GPM6B: variants seen among roughly 807,000 people sequenced by gnomAD.
The protein encoded by GPM6B is neuronal membrane glycoprotein M6-b.
A neutral mutation model predicts 27.2 loss-of-function variants in GPM6B; 4 were observed. That is an observed-to-expected ratio of 0.15 (90% CI 0.07 to 0.34). The LOEUF (loss-of-function observed/expected upper bound fraction) is 0.34, where lower values mean the gene tolerates loss of function less well. GPM6B is among the 10% of genes least tolerant of loss of function. The pLI is 1.00. For missense variants in GPM6B, 183 were observed against 261.9 expected, an observed-to-expected ratio of 0.70 and a Z score of 2.08; for synonymous variants, 124 against 103.1, an observed-to-expected ratio of 1.20 and a Z score of -1.23.
chrX:13,779,335 C>G lies in GPM6B; in HGVS notation c.697+483G>C, dbSNP rs745823351. 5.4e-5 allele frequency among the ~76,000 whole-genome samples: 6 copies of G among 112,030 alleles called. No homozygotes were observed. The South Asian group carries it at 1.1e-3, about 21-fold the overall frequency. ...TGATGACTTTAAAATATGGCTGGATCTAATGTTGTATTTTTCAATACAGAT... is the reference window on the plus strand; with the variant it reads ...TGATGACTTTAAAATATGGCTGGATGTAATGTTGTATTTTTCAATACAGAT... On this transcript the variant is annotated intron_variant, in intron 5 of 7. Transcript: ENST00000316715.
intron 1 of GPM6B, among the ~76,000 whole-genome samples, chrX:13,932,400 A>G (rs777269348): frequency 6.2e-5 from 7 of 112,233 alleles, no homozygotes; most frequent in Non-Finnish European, 1.1e-4. Flanking sequence ...TTTTCCTCAG[A>G]CAGATACTCT....
At chrX:13,809,347 C>T (rs948369501) in intron 1 of GPM6B, among the ~76,000 whole-genome samples, 1 of 112,141 alleles carries the variant, frequency 8.9e-6, no homozygotes. Context: ...ACAGTTAACC[C>T]AATGAGAGTT....
At chrX:13,903,211 C>T (rs185891075) in intron 1 of GPM6B, among the ~76,000 whole-genome samples, 9 of 111,695 alleles carry the variant, frequency 8.1e-5, no homozygotes, top group African/African-American at 2.0e-4. Context: ...CTGTCTCCCA[C>T]GCAGGGTCTC....
intron 1 of GPM6B, among the ~76,000 whole-genome samples, chrX:13,924,039 GATC>G (rs1921050997): frequency 8.9e-6 from 1 of 111,860 alleles, no homozygotes; most frequent in Non-Finnish European, 1.9e-5. Flanking sequence ...TTCCACATGG[GATC>G]ATGACAGGTG....
chrX:13,780,055 A>G, intron 4 of GPM6B, 66 bp from the exon 5 acceptor site: 1 of 971,256 alleles, frequency 1.0e-6, no homozygotes, highest in East Asian at 3.1e-5. Flanking sequence ...CCTAAGTGGA[A>G]GGATTGTGCA....
intron 1 of GPM6B, among the ~76,000 whole-genome samples, chrX:13,924,908 T>C (rs1921093845): frequency 8.9e-6 from 1 of 112,432 alleles, no homozygotes; most frequent in African/African-American, 3.2e-5. Context: ...CTTGAATTAG[T>C]AGAAGAACTG....
chrX:13,910,177 A>G (rs1265936893), intron 1 of GPM6B, among the ~76,000 whole-genome samples: 1 of 112,253 alleles, frequency 8.9e-6, no homozygotes, highest in Non-Finnish European at 1.9e-5. Context: ...CATATTTCAA[A>G]AAGTATCCTT....
intron 2 of GPM6B, among the ~76,000 whole-genome samples, chrX:13,796,113 C>T (rs1488505468): frequency 2.7e-5 from 3 of 110,944 alleles, no homozygotes; most frequent in Non-Finnish European, 5.7e-5. Context: ...TTAGTAGAGA[C>T]GGGGTTTCTC....
intron 2 of GPM6B, among the ~76,000 whole-genome samples, chrX:13,787,895 A>G (rs891240364): frequency 3.6e-5 from 4 of 112,574 alleles, no homozygotes; most frequent in African/African-American, 1.3e-4. Context: ...CCTGGCTAAC[A>G]AAGTTGTATC....
chrX:13,890,542 T>C (rs2050179595), intron 1 of GPM6B, among the ~76,000 whole-genome samples: 2 of 111,570 alleles, frequency 1.8e-5, no homozygotes, highest in Non-Finnish European at 3.8e-5. Context: ...CAATAGTCAT[T>C]GAAGAAGGAA....
At chrX:13,856,710 T>A (rs192457574) in intron 1 of GPM6B, among the ~76,000 whole-genome samples, 74 of 107,527 alleles carry the variant, frequency 6.9e-4, no homozygotes, top group East Asian at 2.9e-3. Context: ...TTTTATTATT[T>A]TTTTTTTTTG....
intron 4 of GPM6B, among the ~76,000 whole-genome samples, chrX:13,782,224 A>C (rs765255570): frequency 8.9e-6 from 1 of 111,838 alleles, no homozygotes; most frequent in Admixed American, 9.4e-5. Context: ...GGGGCTTTCG[A>C]CTTTCTCCAA....
At chrX:13,855,042 A>C (rs2049764696) in intron 1 of GPM6B, among the ~76,000 whole-genome samples, 1 of 109,145 alleles carries the variant, frequency 9.2e-6, no homozygotes, top group Non-Finnish European at 1.9e-5. Context: ...TTTTTGACAC[A>C]GAGTCTCGCT....
At chrX:13,914,777 G>T (rs927784621) in intron 1 of GPM6B, among the ~76,000 whole-genome samples, 1 of 111,744 alleles carries the variant, frequency 8.9e-6, no homozygotes, top group Non-Finnish European at 1.9e-5. Context: ...CATCCATACA[G>T]CAAACTGTTC....
intron 1 of GPM6B, among the ~76,000 whole-genome samples, chrX:13,906,458 T>C (rs144430521): frequency 0.024 from 2,639 of 111,968 alleles, 86 homozygotes; most frequent in East Asian, 0.21. Flanking sequence ...ACTCTACTGG[T>C]CACTAAGTAT....
At chrX:13,779,667 C>A in intron 5 of GPM6B, 151 bp downstream of exon 5, 2 of 463,329 alleles carry the variant, frequency 4.3e-6, no homozygotes, top group Admixed American at 4.2e-5. Context: ...CAGAAAATAG[C>A]ATATTGAAGG....
chrX:13,869,323 G>C (rs2049951118), intron 1 of GPM6B, among the ~76,000 whole-genome samples: 1 of 109,291 alleles, frequency 9.1e-6, no homozygotes, highest in Admixed American at 9.8e-5. Context: ...CAGCTGGTGG[G>C]GTGGGATATT....
At chrX:13,799,498 C>G (rs959694326) in intron 2 of GPM6B, among the ~76,000 whole-genome samples, 1 of 109,333 alleles carries the variant, frequency 9.1e-6, no homozygotes, top group Non-Finnish European at 1.9e-5. Context: ...TTAACAAACA[C>G]CTGCTGAGCT....
At chrX:13,926,044 G>T (rs1235823251) in intron 1 of GPM6B, among the ~76,000 whole-genome samples, 1 of 100,085 alleles carries the variant, frequency 1.0e-5, no homozygotes, top group Admixed American at 1.1e-4. Context: ...AACAGAGCGA[G>T]ACTCCATCTC....
Sources: allele counts gnomAD v4.1 joint callset (sites outside exome capture counted in the v4.1 genomes callset), GRCh38; gene constraint gnomAD v4.1.1; transcripts MANE v1.5; gene names NCBI Gene and HGNC (gene_info 2026-07-23, HGNC 2026-07-21).